The following PTPRD variants were observed in gnomAD, a reference collection of about 807,000 sequenced individuals.
PTPRD encodes protein tyrosine phosphatase receptor type D, also known as receptor-type tyrosine-protein phosphatase delta.
A neutral mutation model predicts 214.5 loss-of-function variants in PTPRD; 34 were observed. That is an observed-to-expected ratio of 0.16 (90% CI 0.12 to 0.21). The LOEUF is 0.21. PTPRD is among the 10% of genes least tolerant of loss of function. The pLI, the probability that PTPRD is intolerant of heterozygous loss-of-function variation, is 1.00. For missense variants in PTPRD, 2,545 were observed against 2,398.7 expected, an observed-to-expected ratio of 1.06 and a Z score of -1.27; for synonymous variants, 1,128 against 845.7, an observed-to-expected ratio of 1.33 and a Z score of -5.79.
intron 5 of PTPRD, among the ~76,000 whole-genome samples, chr9:9,849,785 G>C (rs926426772): frequency 6.6e-6 from 1 of 152,066 alleles, no homozygotes; most frequent in Admixed American, 6.6e-5. Context: ...CTCCAAACCA[G>C]AAAGCCTCTA....
chr9:10,089,341 T>A (rs149844779), intron 3 of PTPRD, among the ~76,000 whole-genome samples: 2 of 151,712 alleles, frequency 1.3e-5, no homozygotes, highest in African/African-American at 4.8e-5. Flanking sequence ...ATAATACAAG[T>A]TAGTAATGCA....
intron 12 of PTPRD, among the ~76,000 whole-genome samples, chr9:8,719,130 T>C (rs866860290): frequency 1.4e-4 from 21 of 152,186 alleles, no homozygotes; most frequent in African/African-American, 5.1e-4. Context: ...TTTTCCTCTT[T>C]TTTAAGATGT....
chr9:10,478,066 A>C (rs2099074645), intron 2 of PTPRD, among the ~76,000 whole-genome samples: 1 of 152,056 alleles, frequency 6.6e-6, no homozygotes, highest in Non-Finnish European at 1.5e-5. Context: ...TGATAGGTGC[A>C]GGAAACCACC....
intron 7 of PTPRD, among the ~76,000 whole-genome samples, chr9:9,595,401 T>C (rs2093236108): frequency 6.9e-6 from 1 of 145,420 alleles, no homozygotes; most frequent in Admixed American, 6.9e-5. Flanking sequence ...CATATACATA[T>C]ATACATATAT....
At chr9:9,033,838 A>G (rs1344055155) in intron 10 of PTPRD, among the ~76,000 whole-genome samples, 1 of 152,084 alleles carries the variant, frequency 6.6e-6, no homozygotes, top group Non-Finnish European at 1.5e-5. Flanking sequence ...ACTTGAGTCA[A>G]TTGTACCTGA....
intron 9 of PTPRD, among the ~76,000 whole-genome samples, chr9:9,216,894 C>T (rs2099952625): frequency 6.6e-6 from 1 of 151,984 alleles, no homozygotes; most frequent in Admixed American, 6.6e-5. Flanking sequence ...CTTTTGGTTA[C>T]CAACATTTAT....
intron 11 of PTPRD, among the ~76,000 whole-genome samples, chr9:8,777,638 C>G (rs991912526): frequency 1.3e-5 from 2 of 152,136 alleles, no homozygotes; most frequent in Non-Finnish European, 2.9e-5. Context: ...CAGTCCAACA[C>G]TTAGCAATCT....
intron 12 of PTPRD, among the ~76,000 whole-genome samples, chr9:8,658,477 G>A (rs766561281): frequency 3.3e-5 from 5 of 152,006 alleles, no homozygotes; most frequent in Admixed American, 6.6e-5. Context: ...TTTTTAATAA[G>A]TTAACTATCA....
At chr9:10,411,801 G>A (rs1483931780) in intron 2 of PTPRD, among the ~76,000 whole-genome samples, 1 of 151,608 alleles carries the variant, frequency 6.6e-6, no homozygotes, top group East Asian at 2.0e-4. Context: ...AAAATTATTA[G>A]ATGTTTAATG....
chr9:8,903,055 T>C (rs1288114663), intron 11 of PTPRD, among the ~76,000 whole-genome samples: 2 of 152,190 alleles, frequency 1.3e-5, no homozygotes, highest in Non-Finnish European at 2.9e-5. Flanking sequence ...CATCAAATAG[T>C]GAAAATCTCA....
chr9:10,264,568 A>G (rs574007428), intron 3 of PTPRD, among the ~76,000 whole-genome samples: 2 of 152,198 alleles, frequency 1.3e-5, no homozygotes, highest in African/African-American at 4.8e-5. Flanking sequence ...GTATTTACCC[A>G]ATGCCTGTAC....
intron 3 of PTPRD, among the ~76,000 whole-genome samples, chr9:10,172,203 G>A (rs1450503513): frequency 3.3e-5 from 5 of 152,018 alleles, no homozygotes; most frequent in Non-Finnish European, 5.9e-5. Context: ...ATAAATTATC[G>A]TCTGTTTTTT....
At chr9:9,004,631 T>A (rs1318068456) in intron 11 of PTPRD, among the ~76,000 whole-genome samples, 1 of 152,006 alleles carries the variant, frequency 6.6e-6, no homozygotes, top group African/African-American at 2.4e-5. Context: ...CCAGGAAAAA[T>A]TAATTTATGT....
At chr9:9,949,110 G>C (rs573093659) in intron 4 of PTPRD, among the ~76,000 whole-genome samples, 134 of 152,138 alleles carry the variant, frequency 8.8e-4, no homozygotes, top group African/African-American at 3.1e-3. Context: ...TCAAACATAA[G>C]GGGAAGAGAT....
chr9:10,350,579 A>T (rs531487125), intron 2 of PTPRD, among the ~76,000 whole-genome samples: 1 of 152,254 alleles, frequency 6.6e-6, no homozygotes, highest in African/African-American at 2.4e-5. Context: ...TTTCTATTTT[A>T]CAGATGATGA....
At chr9:8,410,747 C>G (rs1424218766) in intron 35 of PTPRD, among the ~76,000 whole-genome samples, 1 of 152,108 alleles carries the variant, frequency 6.6e-6, no homozygotes, top group Non-Finnish European at 1.5e-5. Context: ...AATGCATCAG[C>G]TTTACCTGTT....
intron 9 of PTPRD, among the ~76,000 whole-genome samples, chr9:9,337,803 C>A (rs1174613565): frequency 6.6e-6 from 1 of 152,124 alleles, no homozygotes; most frequent in Non-Finnish European, 1.5e-5. Flanking sequence ...AGTTATCTTG[C>A]TAACTACATT....
chr9:9,836,912 A>T (rs2056920286), intron 5 of PTPRD, among the ~76,000 whole-genome samples: 1 of 152,202 alleles, frequency 6.6e-6, no homozygotes, highest in African/African-American at 2.4e-5. Context: ...TTATAACATG[A>T]CTGTTATACC....
chr9:8,752,095 C>A (rs1034392745), intron 11 of PTPRD, among the ~76,000 whole-genome samples: 1 of 152,122 alleles, frequency 6.6e-6, no homozygotes, highest in Non-Finnish European at 1.5e-5. Flanking sequence ...GATGTGTGAA[C>A]CAGAGCAACT....
Sources: allele counts gnomAD v4.1 joint callset (sites outside exome capture counted in the v4.1 genomes callset), GRCh38; gene constraint gnomAD v4.1.1; transcripts MANE v1.5; gene names NCBI Gene and HGNC (gene_info 2026-07-23, HGNC 2026-07-21).